ST6GAL2: variants seen among roughly 807,000 people sequenced by gnomAD.
ST6GAL2 encodes beta-galactoside alpha-2,6-sialyltransferase 2.
A neutral mutation model predicts 37.5 loss-of-function variants in ST6GAL2; 24 were observed. The ratio of observed to expected loss-of-function variants is 0.64; its 90% confidence interval spans 0.46 to 0.90. The LOEUF is 0.90. Among genes scored for constraint, ST6GAL2 ranks in the 40% least tolerant of loss-of-function variants. The pLI is 0.00. For synonymous variants in ST6GAL2, 306 were observed against 295.1 expected (o/e 1.04, Z -0.38); for missense variants, 715 against 712.7 (o/e 1.00, Z -0.04).
intron 2 of ST6GAL2, among the ~76,000 whole-genome samples, chr2:106,842,195 G>C (rs879397972): frequency 5.9e-5 from 9 of 152,216 alleles, no homozygotes; most frequent in Admixed American, 1.3e-4. Context: ...ACGATCATGA[G>C]AGTCAAGTCC....
At chr2:106,884,918 T>TATATAC (rs1201263659) in intron 1 of ST6GAL2, among the ~76,000 whole-genome samples, 1 of 118,100 alleles carries the variant, frequency 8.5e-6, no homozygotes, top group Admixed American at 8.0e-5. Flanking sequence ...TATATATATA[T>TATATAC]ATATATATAT....
chr2:106,886,610 G>A (rs1268945769), upstream of ST6GAL2: 2 of 151,832 alleles, frequency 1.3e-5, no homozygotes, highest in African/African-American at 2.4e-5. Context: ...GAGCCCCGGG[G>A]AGAGGCGGCG....
intron 5 of ST6GAL2, chr2:106,813,030 A>G (rs779199539): frequency 9.8e-6 from 12 of 1,227,628 alleles, no homozygotes; most frequent in Non-Finnish European, 1.2e-5. Context: ...GTTTTAATGT[A>G]TTTTTTCAAG....
intron 5 of ST6GAL2, among the ~76,000 whole-genome samples, chr2:106,815,141 G>A (rs1450864716): frequency 6.6e-6 from 1 of 152,144 alleles, no homozygotes; most frequent in Non-Finnish European, 1.5e-5. Flanking sequence ...ATCTACTAGT[G>A]TACTTTCTTC....
chr2:106,827,081 G>C (rs1294613830), intron 5 of ST6GAL2, among the ~76,000 whole-genome samples: 1 of 152,174 alleles, frequency 6.6e-6, no homozygotes, highest in Non-Finnish European at 1.5e-5. Flanking sequence ...TTCAGGAGCT[G>C]ACGTTAGAGG....
At chr2:106,832,726 T>A in intron 3 of ST6GAL2, 60 bp from the exon 4 acceptor site, 2 of 1,078,616 alleles carry the variant, frequency 1.9e-6, no homozygotes, top group Non-Finnish European at 2.9e-6. Flanking sequence ...AATTGCATTT[T>A]AAAAAGAGGT....
intron 5 of ST6GAL2, chr2:106,813,205 G>T: frequency 7.3e-7 from 1 of 1,369,696 alleles, no homozygotes. Context: ...CTCTGATATG[G>T]CCAATTTTTA....
chr2:106,809,617 C>A (rs1675537186), intron 5 of ST6GAL2, among the ~76,000 whole-genome samples: 1 of 152,172 alleles, frequency 6.6e-6, no homozygotes, highest in Non-Finnish European at 1.5e-5. Context: ...GCAGCTTGAT[C>A]AAATGCAGGT....
intron 1 of ST6GAL2, among the ~76,000 whole-genome samples, chr2:106,884,906 C>CATATATATATATATATATAT (rs772381082): frequency 2.2e-4 from 17 of 76,472 alleles, no homozygotes; most frequent in South Asian, 4.7e-4. Flanking sequence ...ATTTGCAGCG[C>CATATATATATATATATATAT]ATATATATAT....
At position 106,838,058 on chromosome 2, in the gene ST6GAL2, C is replaced by G. The variant is rs117734902; in HGVS notation, c.944-3912G>C. Among the ~76,000 whole-genome samples, 17 of 152,206 alleles carry G rather than the reference C, an allele frequency of 1.1e-4. No individual in the cohort carries two copies. In the East Asian group the frequency reaches 2.5e-3, roughly 22 times the overall value. Reference sequence around the variant, plus strand: ...GCTGAGACTGTCTCTCACACAGACACGTTCTGTAAACGTACACCTGGCTGT... The same window carrying G: ...GCTGAGACTGTCTCTCACACAGACAGGTTCTGTAAACGTACACCTGGCTGT... On this transcript the variant is annotated intron_variant, in intron 2 of 5. Coordinates refer to ENST00000409382, the MANE Select transcript of ST6GAL2 (RefSeq NM_001142351.2).
At chr2:106,870,475 C>T (rs1338774150) in intron 1 of ST6GAL2, among the ~76,000 whole-genome samples, 1 of 152,032 alleles carries the variant, frequency 6.6e-6, no homozygotes, top group African/African-American at 2.4e-5. Flanking sequence ...ACTTTCATTG[C>T]CTGAGAGTAC....
At position 106,843,475 on chromosome 2, in the gene ST6GAL2, A is replaced by T. The variant is rs1301261571; in HGVS notation, c.503T>A (p.Val168Asp). 1 of 1,613,722 alleles carries T rather than the reference A, an allele frequency of 6.2e-7. No homozygotes were observed. The highest frequency in any genetic ancestry group is 8.5e-7 in the Non-Finnish European group (1 of 1,179,886). Residue 168 changes from valine (V) to aspartate (D), a missense_variant, in exon 2 of 6, where the codon GTC becomes GAC. Val to Asp is a radical substitution (Grantham distance 152, BLOSUM62 -3). Coordinates refer to ENST00000409382, the MANE Select transcript of ST6GAL2 (RefSeq NM_001142351.2). ...PREGAFPAAQ[V>D]QRRRVKKRHR... ...CCTCTTCTTCACCCGCCTCCTCTGG[A>T]CCTGTGCAGCCGGAAAAGCCCCCTC... is the stretch of plus-strand genomic sequence containing the variant.
At chr2:106,826,124 A>G (rs2104453611) in intron 5 of ST6GAL2, among the ~76,000 whole-genome samples, 1 of 152,312 alleles carries the variant, frequency 6.6e-6, no homozygotes, top group East Asian at 1.9e-4. Context: ...AAATGTATGC[A>G]GTGGATGTGT....
intron 1 of ST6GAL2, among the ~76,000 whole-genome samples, chr2:106,874,318 G>A (rs766362443): frequency 1.6e-4 from 25 of 152,168 alleles, no homozygotes; most frequent in Middle Eastern, 3.4e-3. Context: ...GTTGGGAGGC[G>A]GGCAGAAGGA....
intron 5 of ST6GAL2, among the ~76,000 whole-genome samples, chr2:106,829,570 T>C (rs896089638): frequency 5.9e-5 from 9 of 152,198 alleles, no homozygotes; most frequent in African/African-American, 2.2e-4. Context: ...ATGGATGCCA[T>C]ATAGAACAGA....
Position 106,834,141 on chromosome 2 carries a change from G to A in ST6GAL2, c.949C>T (p.His317Tyr). ...NSSLGEEIDSHDAVLRFNSAP... is the reference protein window; with the variant it reads ...NSSLGEEIDSYDAVLRFNSAP... ...GAGTTAAATCTCAAAACCGCATCAT[G>A]AGAATCTAAGGGCACATAAGTGACA... Residue 317 changes from histidine (H) to tyrosine (Y), a missense_variant, in exon 3 of 6, where the codon CAT becomes TAT. Around this residue, in one of 3 missense-constraint regions of ST6GAL2, gnomAD observed 512 missense variants for 488.8 expected, o/e 1.05. Transcript: ENST00000409382. 1 of 1,610,326 alleles carries A rather than the reference G, an allele frequency of 6.2e-7. No homozygotes were observed. The highest frequency in any genetic ancestry group is 1.1e-5 in the South Asian group (1 of 90,898).
rs1362202326 is a variant in ST6GAL2 at position 106,843,851 on chromosome 2, G to A, written c.127C>T (p.Leu43Phe). The A allele has an allele frequency of 6.2e-7, 1 of 1,612,150 alleles. No individual in the cohort carries two copies. Among genetic ancestry groups the A allele is most frequent in the Non-Finnish European group, 8.5e-7 (1 of 1,179,722 alleles). Residue 43 changes from leucine to phenylalanine, a missense_variant, in exon 2 of 6, where the codon CTC (leucine) becomes TTC (phenylalanine). By Grantham distance (22) the Leu-to-Phe change is conservative. This residue lies in a region of ST6GAL2 where 512 missense variants were observed against 488.8 expected (regional missense o/e 1.05). Coordinates refer to ENST00000409382, the MANE Select transcript of ST6GAL2 (RefSeq NM_001142351.2). The stretch of plus-strand genomic sequence containing the variant: ...AGCCTCCTGGTCTCCAGGAAGGAGA[G>A]GGAGCTGGGTACAGGCTCAGCGGGG... ...SNPAEPVPSS[L>F]SFLETRRLLP...
In ST6GAL2 at chr2:106,843,444, C is replaced by T; in HGVS notation, c.534G>A (p.Arg178=). ...CCAACACGTGGCTCCTTCTCTGCCT[C>T]CGGTGCCTCTTCTTCACCCGCCTCC... ...VQRRRVKKRH[R]RQRRSHVLEE... is the part of the protein sequence containing the mutation. The change falls in exon 2 of 6, where the codon CGG becomes CGA. Residue 178 remains arginine, a synonymous_variant. Coordinates refer to ENST00000409382, the MANE Select transcript of ST6GAL2 (RefSeq NM_001142351.2). 1.9e-6 allele frequency: 3 copies of T among 1,614,144 alleles called. No individual in the cohort carries two copies. In the East Asian group the frequency reaches 6.7e-5, roughly 36 times the overall value.
At chr2:106,853,339 T>G (rs913054435) in intron 1 of ST6GAL2, among the ~76,000 whole-genome samples, 1 of 152,226 alleles carries the variant, frequency 6.6e-6, no homozygotes, top group African/African-American at 2.4e-5. Flanking sequence ...ACCAATTTAC[T>G]AACATTTCCA....
Sources: allele counts gnomAD v4.1 joint callset (sites outside exome capture counted in the v4.1 genomes callset), GRCh38; gene constraint gnomAD v4.1.1; regional missense constraint gnomAD v4.1.1; transcripts MANE v1.5; gene names NCBI Gene and HGNC (gene_info 2026-07-23, HGNC 2026-07-21).